The following NELL1 variants were observed in gnomAD, a reference collection of about 807,000 sequenced individuals.
NELL1 encodes neural EGFL like 1.
NELL1 carries 76 observed loss-of-function variants against 107.4 expected under a neutral mutation model. The observed-to-expected ratio is 0.71, with a 90% confidence interval of 0.59 to 0.86. NELL1 has a LOEUF of 0.86. Ranked by LOEUF, NELL1 falls within the 40% of genes least tolerant of loss-of-function variation. The pLI, the probability that NELL1 is intolerant of heterozygous loss-of-function variation, is 0.00. For synonymous variants in NELL1, 353 were observed against 341.2 expected (o/e 1.03, Z -0.38); for missense variants, 1,024 against 1,005.5 (o/e 1.02, Z -0.25).
intron 14 of NELL1, among the ~76,000 whole-genome samples, chr11:21,330,650 A>AT (rs1490961093): frequency 1.3e-5 from 2 of 150,194 alleles, no homozygotes; most frequent in Non-Finnish European, 3.0e-5. Flanking sequence ...TGTTTTCCTG[A>AT]TTTTCTCTTT....
At chr11:21,042,001 C>G (rs1339150404) in intron 12 of NELL1, among the ~76,000 whole-genome samples, 2 of 152,200 alleles carry the variant, frequency 1.3e-5, no homozygotes, top group African/African-American at 4.8e-5. Flanking sequence ...TCTCTTCTTG[C>G]TATATTTGAA....
At chr11:20,857,581 G>A (rs1235393167) in intron 4 of NELL1, among the ~76,000 whole-genome samples, 4 of 152,194 alleles carry the variant, frequency 2.6e-5, no homozygotes, top group Non-Finnish European at 5.9e-5. Flanking sequence ...TGAAGCAGCT[G>A]GAAGGACACA....
At chr11:20,757,381 A>G (rs1045288140) in intron 2 of NELL1, among the ~76,000 whole-genome samples, 2 of 152,100 alleles carry the variant, frequency 1.3e-5, no homozygotes, top group African/African-American at 2.4e-5. Context: ...ACCTTGGGTA[A>G]ATTCCACCAT....
intron 12 of NELL1, among the ~76,000 whole-genome samples, chr11:21,079,866 C>G (rs938163452): frequency 1.3e-5 from 2 of 151,964 alleles, no homozygotes; most frequent in Non-Finnish European, 2.9e-5. Flanking sequence ...TGCTAAAGTG[C>G]TATGAATGCC....
chr11:20,868,081 T>G (rs1474965493), intron 4 of NELL1, among the ~76,000 whole-genome samples: 1 of 152,208 alleles, frequency 6.6e-6, no homozygotes, highest in African/African-American at 2.4e-5. Context: ...TCATTTGACC[T>G]TCAGAACAAT....
intron 13 of NELL1, among the ~76,000 whole-genome samples, chr11:21,129,813 A>G (rs1236716422): frequency 1.3e-5 from 2 of 152,178 alleles, no homozygotes; most frequent in African/African-American, 4.8e-5. Flanking sequence ...TACAAGATGA[A>G]AAGAGTTTTG....
chr11:21,358,150 A>G (rs946722697), intron 14 of NELL1, among the ~76,000 whole-genome samples: 4 of 152,060 alleles, frequency 2.6e-5, no homozygotes, highest in Non-Finnish European at 4.4e-5. Flanking sequence ...TTCTATATGA[A>G]TTTTAGGATT....
In NELL1 at chr11:21,570,928, G is replaced by C. The variant is rs145190050; in HGVS notation, c.2145G>C (p.Gln715His). Residue 715 changes from glutamine to histidine, a missense_variant, in exon 18 of 20, where the codon CAG (glutamine) becomes CAC (histidine). Gln to His is a conservative substitution (Grantham distance 24). Transcript: ENST00000357134. ...SGDNWTHSCQ[Q>H]CRCLEGEVDC... ...ACAATTGGACCCATAGCTGTCAGCA[G>C]TGTCGGTGTCTGGTATGTTGGCTTC... The C allele has an allele frequency of 1.1e-4, 174 of 1,611,126 alleles. No individual in the cohort carries two copies. Among genetic ancestry groups the C allele is most frequent in the African/African-American group, 6.0e-4 (45 of 74,686 alleles).
intron 15 of NELL1, among the ~76,000 whole-genome samples, chr11:21,462,655 G>T (rs182469456): frequency 6.6e-6 from 1 of 152,004 alleles, no homozygotes; most frequent in African/African-American, 2.4e-5. Context: ...CCTCATACAG[G>T]TTTCTCTTTG....
At chr11:20,704,258 A>G (rs1323103153) in intron 2 of NELL1, among the ~76,000 whole-genome samples, 1 of 152,126 alleles carries the variant, frequency 6.6e-6, no homozygotes, top group Non-Finnish European at 1.5e-5. Flanking sequence ...CCATTATGTA[A>G]TGGCCTTCTT....
intron 15 of NELL1, among the ~76,000 whole-genome samples, chr11:21,446,085 A>G (rs1853419348): frequency 6.6e-6 from 1 of 151,818 alleles, no homozygotes; most frequent in African/African-American, 2.4e-5. Flanking sequence ...GCCTGTCTTC[A>G]AGCTAATTCT....
At chr11:21,313,885 C>T (rs76782286) in intron 14 of NELL1, among the ~76,000 whole-genome samples, 3,075 of 151,764 alleles carry the variant, frequency 0.02, 102 homozygotes, top group African/African-American at 0.071. Context: ...TGCATCATGG[C>T]AGTGGATATC....
chr11:21,462,717 A>T (rs985896781), intron 15 of NELL1, among the ~76,000 whole-genome samples: 1 of 152,020 alleles, frequency 6.6e-6, no homozygotes, highest in Non-Finnish European at 1.5e-5. Context: ...GTCGGAGGTG[A>T]TGACTTCTGA....
At chr11:21,156,806 A>G (rs1856247343) in intron 13 of NELL1, among the ~76,000 whole-genome samples, 1 of 152,024 alleles carries the variant, frequency 6.6e-6, no homozygotes, top group Non-Finnish European at 1.5e-5. Flanking sequence ...ATATATACCA[A>G]ATTAGGCCAG....
In NELL1 at chr11:21,357,579, A is replaced by G. The variant is rs562523887; in HGVS notation, c.1550-13274A>G. On this transcript the variant is annotated intron_variant, in intron 14 of 19. Transcript: ENST00000357134. ...CCTTTGTTGTCCATAGTTAGTGAAT[A>G]TTTTCTCCTGTTCTGTGGGTTGTCT... Among the ~76,000 whole-genome samples the G allele has an allele frequency of 2.6e-5, 4 of 152,120 alleles. No individual in the cohort carries two copies. The East Asian group carries it at 7.7e-4, about 29-fold the overall frequency.
chr11:20,880,947 G>C (rs1417952364), intron 4 of NELL1, among the ~76,000 whole-genome samples: 1 of 152,134 alleles, frequency 6.6e-6, no homozygotes, highest in Non-Finnish European at 1.5e-5. Context: ...CGGTGGGGTG[G>C]AGGGGCAGGC....
At chr11:21,295,478 T>C (rs1018007199) in intron 14 of NELL1, among the ~76,000 whole-genome samples, 1 of 151,984 alleles carries the variant, frequency 6.6e-6, no homozygotes, top group Non-Finnish European at 1.5e-5. Context: ...AAAACAGGAA[T>C]GATGTGCTAT....
Position 20,937,884 on chromosome 11 carries a change from A to G in NELL1, c.1071+25A>G, listed in dbSNP as rs752984709. 5 of 1,604,658 alleles carry G rather than the reference A, an allele frequency of 3.1e-6. No individual in the cohort carries two copies. The South Asian group carries it at 4.4e-5, about 14-fold the overall frequency. ...AGTAAGTGTTAATTTTATGGTCCCTATCACTTCTGGAAAATGAATAGATAG... is the reference window on the plus strand; with the variant it reads ...AGTAAGTGTTAATTTTATGGTCCCTGTCACTTCTGGAAAATGAATAGATAG... On this transcript the variant is annotated intron_variant, in intron 10 of 19. Coordinates refer to ENST00000357134, the MANE Select transcript of NELL1 (RefSeq NM_006157.5).
chr11:21,283,676 C>A, intron 14 of NELL1: 1 of 159,788 alleles, frequency 6.3e-6, no homozygotes, highest in Non-Finnish European at 1.4e-5. Flanking sequence ...GAATTATGAC[C>A]CAAGCAAGAA....
Sources: gnomAD v4.1 joint callset for allele counts (sites outside exome capture counted in the v4.1 genomes callset) on GRCh38, gnomAD v4.1.1 for gene constraint, MANE v1.5 for transcripts, NCBI Gene and HGNC (gene_info 2026-07-23, HGNC 2026-07-21) for gene names.